The following SLC13A5 variants were observed in gnomAD, a reference collection of about 807,000 sequenced individuals.
SLC13A5 encodes the protein solute carrier family 13 member 5.
Under a neutral mutation model 56.5 loss-of-function variants are expected in SLC13A5, and 25 were observed. The ratio of observed to expected loss-of-function variants is 0.44; its 90% CI spans 0.32 to 0.62. The LOEUF (loss-of-function observed/expected upper bound fraction) is 0.62, where lower values mean the gene tolerates loss of function less well. Ranked by LOEUF, SLC13A5 falls within the 20% of genes least tolerant of loss-of-function variation. The probability of loss-of-function intolerance (pLI) is 0.04; values close to 1 mark genes in which losing one functional copy is unlikely to be tolerated. For missense variants in SLC13A5, 649 were observed against 737.8 expected, an observed-to-expected ratio of 0.88 and a Z score of 1.39; for synonymous variants, 307 against 301.5, an observed-to-expected ratio of 1.02 and a Z score of -0.19.
chr17:6,699,975 C>G (rs1290299331), intron 6 of SLC13A5, among the ~76,000 whole-genome samples: 1 of 152,168 alleles, frequency 6.6e-6, no homozygotes, highest in Non-Finnish European at 1.5e-5. Context: ...GGAAAATTCC[C>G]TATTTTCCCC....
At chr17:6,706,436 T>G (rs1973864996) in intron 3 of SLC13A5, among the ~76,000 whole-genome samples, 2 of 152,190 alleles carry the variant, frequency 1.3e-5, no homozygotes, top group Admixed American at 1.3e-4. Context: ...TCGAGGACCC[T>G]TACTTACTGC....
In SLC13A5 at chr17:6,687,422, C is replaced by T; in HGVS notation, c.1575+107G>A. ...ACAGGTCTGGATGTTCCGTGGCATT[C>T]CCAAGTCACATGACATCGTTTTGAA... On this transcript the variant is annotated intron_variant, in intron 11 of 11. Coordinates refer to ENST00000433363, the MANE Select transcript of SLC13A5 (RefSeq NM_177550.5). The surrounding 1 kb of genome is among the most constrained non-coding windows in gnomAD (Gnocchi z 5.0). 1 of 1,508,562 alleles carries T rather than the reference C, an allele frequency of 6.6e-7. No individual in the cohort carries two copies. The allele number at this position is 1,508,562 out of a possible 1,614,324, so 93.4% of individuals were successfully genotyped here.
chr17:6,686,181 CTGTG>C lies in SLC13A5; in HGVS notation c.*22_*25del. The C allele has an allele frequency of 6.2e-7, 1 of 1,613,852 alleles. No homozygotes were observed. Among genetic ancestry groups the C allele is most frequent in the Non-Finnish European group, 8.5e-7 (1 of 1,179,860 alleles). On this transcript the variant is annotated 3_prime_UTR_variant, in exon 12 of 12. Coordinates refer to ENST00000433363, the MANE Select transcript of SLC13A5 (RefSeq NM_177550.5). Reference sequence around the variant, plus strand: ...TCGGTAGTCCTGAGGAGGGTAAGGGCTGTGTGTGTGGTCTTGTGGCTCTTCCTAA... The same window carrying C: ...TCGGTAGTCCTGAGGAGGGTAAGGGCTGTGTGGTCTTGTGGCTCTTCCTAA...
intron 1 of SLC13A5, among the ~76,000 whole-genome samples, chr17:6,708,793 G>A (rs1342775716): frequency 5.3e-5 from 8 of 152,156 alleles, no homozygotes; most frequent in African/African-American, 1.9e-4. Context: ...AATGCACACT[G>A]ACACGCACGC....
At chr17:6,694,962 A>G (rs1361701992) in intron 7 of SLC13A5, among the ~76,000 whole-genome samples, 1 of 152,206 alleles carries the variant, frequency 6.6e-6, no homozygotes, top group Non-Finnish European at 1.5e-5. Flanking sequence ...GAGAAACTAC[A>G]TGTACCCCCT....
At chr17:6,703,405 C>T (rs955222165) in intron 4 of SLC13A5, among the ~76,000 whole-genome samples, 1 of 152,222 alleles carries the variant, frequency 6.6e-6, no homozygotes, top group African/African-American at 2.4e-5. Flanking sequence ...GGGAACACGG[C>T]AGACGGCAAG....
intron 1 of SLC13A5, among the ~76,000 whole-genome samples, chr17:6,712,671 A>G (rs1197869952): frequency 1.3e-5 from 2 of 152,246 alleles, no homozygotes; most frequent in Non-Finnish European, 2.9e-5. Flanking sequence ...GATCATAGAT[A>G]GAGACACTAA....
chr17:6,692,282 TGGACGGAC>T lies in SLC13A5; in HGVS notation c.1275+754_1275+761del, dbSNP rs1184117187. On this transcript the variant is annotated intron_variant, in intron 9 of 11. Coordinates refer to ENST00000433363, the MANE Select transcript of SLC13A5 (RefSeq NM_177550.5). This position sits in a 1 kb window ranked among gnomAD's most constrained non-coding sequence, Gnocchi z 5.5. ...ATGGATGGATGGATGGATGGACGGA[TGGACGGAC>T]GGATGGATGGATGAAGACATGAATA... Among the ~76,000 whole-genome samples, 12 of 147,762 alleles carry T rather than the reference TGGACGGAC, an allele frequency of 8.1e-5. No individual in the cohort carries two copies. The highest frequency in any genetic ancestry group is 2.8e-4 in the African/African-American group (11 of 39,352).
intron 6 of SLC13A5, among the ~76,000 whole-genome samples, chr17:6,697,098 C>G (rs377564017): frequency 4.6e-5 from 7 of 152,110 alleles, no homozygotes; most frequent in Admixed American, 1.3e-4. Flanking sequence ...GAGGGTCACC[C>G]GCTAGGGACA....
chr17:6,693,753 T>C (rs755964714), intron 8 of SLC13A5, among the ~76,000 whole-genome samples: 5 of 152,298 alleles, frequency 3.3e-5, no homozygotes, highest in Non-Finnish European at 5.9e-5. Context: ...GTGTTGATTA[T>C]AATGTAATAT....
intron 11 of SLC13A5, chr17:6,686,550 G>T: frequency 1.8e-6 from 1 of 568,974 alleles, no homozygotes; most frequent in Non-Finnish European, 3.1e-6. Flanking sequence ...GAGTGGATGG[G>T]TTCTCTATGC....
chr17:6,707,213 G>A, intron 1 of SLC13A5, 57 bp from the exon 2 acceptor site: 6 of 1,601,440 alleles, frequency 3.7e-6, no homozygotes, highest in Non-Finnish European at 5.1e-6. Flanking sequence ...CCCACCCCCA[G>A]AACACTCCGG....
At chr17:6,697,600 C>A (rs561105944) in intron 6 of SLC13A5, among the ~76,000 whole-genome samples, 122 of 152,332 alleles carry the variant, frequency 8.0e-4, no homozygotes, top group Non-Finnish European at 1.4e-3. Context: ...ACAGCCTTCA[C>A]CATGATGCAC....
chr17:6,709,995 T>TG (rs1231225385), intron 1 of SLC13A5, among the ~76,000 whole-genome samples: 1 of 152,178 alleles, frequency 6.6e-6, no homozygotes, highest in Non-Finnish European at 1.5e-5. Flanking sequence ...TCCCCTGTTG[T>TG]GGGGCAGGGT....
intron 11 of SLC13A5, 176 bp from the exon 12 acceptor site, chr17:6,686,514 C>T: frequency 4.4e-6 from 3 of 683,336 alleles, no homozygotes; most frequent in South Asian, 3.8e-5. Flanking sequence ...ATCCTCAGTG[C>T]TCAAGGCATC....
rs772949352 is a variant in SLC13A5, at chr17:6,687,567, T to C, written c.1537A>G (p.Ile513Val). 6.2e-7 allele frequency: 1 copy of C among 1,613,852 alleles called. No homozygotes were observed. Among genetic ancestry groups the C allele is most frequent in the Non-Finnish European group, 8.5e-7 (1 of 1,179,922 alleles). ...MLPVATPPNA[I>V]VFTYGHLKVA... Reference sequence around the variant, plus strand: ...TTGAGGTGCCCATAGGTGAACACGATGGCATTTGGAGGGGTGGCCACAGGC... The same window carrying C: ...TTGAGGTGCCCATAGGTGAACACGACGGCATTTGGAGGGGTGGCCACAGGC... Residue 513 changes from isoleucine (I) to valine (V), a missense_variant, in exon 11 of 12, where the codon ATC becomes GTC. Physicochemically the swap from Ile to Val is conservative, Grantham distance 29. Transcript: ENST00000433363. The surrounding 1 kb of genome is among the most constrained non-coding windows in gnomAD (Gnocchi z 5.0).
chr17:6,686,196 T>C lies in SLC13A5; in HGVS notation c.*11A>G, dbSNP rs750472511. 1 of 1,614,084 alleles carries C rather than the reference T, an allele frequency of 6.2e-7. No individual in the cohort carries two copies. Among genetic ancestry groups the C allele is most frequent in the East Asian group, 2.2e-5 (1 of 44,876 alleles). On this transcript the variant is annotated 3_prime_UTR_variant, in exon 12 of 12. Transcript: ENST00000433363. ...AGGGTAAGGGCTGTGTGTGTGGTCT[T>C]GTGGCTCTTCCTAAGTCTCAATATG...
At chr17:6,699,560 T>C (rs1315242977) in intron 6 of SLC13A5, among the ~76,000 whole-genome samples, 3 of 152,184 alleles carry the variant, frequency 2.0e-5, no homozygotes, top group Non-Finnish European at 4.4e-5. Context: ...AACCTCTACC[T>C]CCCGGCTTCA....
chr17:6,693,288 A>G, intron 8 of SLC13A5, 126 bp from the exon 9 acceptor site: 1 of 631,328 alleles, frequency 1.6e-6, no homozygotes, highest in Non-Finnish European at 2.7e-6. Flanking sequence ...GCTAATAAGG[A>G]CAATGAGGTA....
Sources: gnomAD v4.1 joint callset for allele counts (sites outside exome capture counted in the v4.1 genomes callset) on GRCh38, gnomAD v4.1.1 for gene constraint, Gnocchi (gnomAD v3.1) non-coding constraint, MANE v1.5 for transcripts, NCBI Gene and HGNC (gene_info 2026-07-23, HGNC 2026-07-21) for gene names.